Variants in HPD observed in about 807,000 individuals in gnomAD.
HPD encodes the protein 4-hydroxyphenylpyruvic acid oxidase.
HPD carries 35 observed loss-of-function variants against 56.9 expected under a neutral mutation model. The observed-to-expected ratio is 0.62, with a 90% confidence interval of 0.47 to 0.82. The LOEUF (loss-of-function observed/expected upper bound fraction) is 0.82, where lower values mean the gene tolerates loss of function less well. Ranked by LOEUF, HPD falls within the 40% of genes least tolerant of loss-of-function variation. The pLI, the probability that HPD is intolerant of heterozygous loss-of-function variation, is 0.00. For missense variants in HPD, 442 were observed against 506.8 expected (o/e 0.87, Z 1.23); for synonymous variants, 186 against 200.2 (o/e 0.93, Z 0.60).
chr12:121,855,259 C>T (rs2137628873), intron 6 of HPD, among the ~76,000 whole-genome samples: 1 of 152,334 alleles, frequency 6.6e-6, no homozygotes, highest in Admixed American at 6.5e-5. Flanking sequence ...CTATTATCAT[C>T]TCCATTCTCT....
chr12:121,876,562 C>A, the HPD span, among the ~76,000 whole-genome samples: 1 of 152,182 alleles, frequency 6.6e-6, no homozygotes, highest in East Asian at 1.9e-4. Context: ...CTTGCATAAG[C>A]GGAGGGTAAG....
At chr12:121,864,785 G>A (rs764359780), upstream of HPD, among the ~76,000 whole-genome samples, 5 of 151,564 alleles carry the variant, frequency 3.3e-5, no homozygotes, top group South Asian at 2.1e-4. Flanking sequence ...CCCGGGGCGC[G>A]GAGCTTGCAG....
upstream of HPD, among the ~76,000 whole-genome samples, chr12:121,864,671 G>T (rs2137643111): frequency 6.6e-6 from 1 of 151,824 alleles, no homozygotes; most frequent in Middle Eastern, 3.4e-3. Context: ...GGCTAACATG[G>T]TGAAACCCCG....
intron 11 of HPD, among the ~76,000 whole-genome samples, chr12:121,845,214 A>T (rs184694235): frequency 6.7e-6 from 1 of 149,862 alleles, no homozygotes; most frequent in Admixed American, 6.6e-5. Flanking sequence ...CCCCAGGCTC[A>T]GCTGATCCTC....
chr12:121,886,554 C>T, the HPD span, among the ~76,000 whole-genome samples: 10 of 152,002 alleles, frequency 6.6e-5, no homozygotes, highest in East Asian at 1.9e-4. Flanking sequence ...ATACTCTTCA[C>T]GTGGATTTGC....
At chr12:121,870,438 C>T in the HPD span, among the ~76,000 whole-genome samples, 1 of 148,844 alleles carries the variant, frequency 6.7e-6, no homozygotes, top group Non-Finnish European at 1.5e-5. Flanking sequence ...AACCAGGAGG[C>T]GGAGGTTGCA....
At chr12:121,865,601 A>G (rs1248018762), upstream of HPD, among the ~76,000 whole-genome samples, 1 of 151,870 alleles carries the variant, frequency 6.6e-6, no homozygotes, top group Non-Finnish European at 1.5e-5. Flanking sequence ...AGGAAAAAAA[A>G]AAAGAAAGAA....
intron 12 of HPD, among the ~76,000 whole-genome samples, chr12:121,843,439 A>G (rs967205387): frequency 2.0e-5 from 3 of 152,148 alleles, no homozygotes; most frequent in African/African-American, 7.2e-5. Flanking sequence ...CTCAGATGTC[A>G]CCTCCTCAGA....
Position 121,858,694 on chromosome 12 carries a change from C to T in HPD, c.23G>A (p.Gly8Glu), listed in dbSNP as rs1250024748. Reference sequence around the variant, plus strand: ...CACATTTCGCCTGCTTACCTTTGCCCCTTTGTCACTGTAAGTCGTCTAAGG... The same window carrying T: ...CACATTTCGCCTGCTTACCTTTGCCTCTTTGTCACTGTAAGTCGTCTAAGG... Reference protein sequence around the residue: MTTYSDKGAKPERGRFLH... With the variant: MTTYSDKEAKPERGRFLH... The change falls in exon 2 of 14, where the codon GGG (glycine) becomes GAG (glutamate). Residue 8 changes from glycine to glutamate, a missense_variant. Transcript: ENST00000289004. 3 of 1,614,010 alleles carry T rather than the reference C, an allele frequency of 1.9e-6. No homozygotes were observed. The highest frequency in any genetic ancestry group is 1.3e-5 in the African/African-American group (1 of 74,920).
chr12:121,843,572 A>G, intron 12 of HPD, 138 bp downstream of exon 12: 3 of 961,090 alleles, frequency 3.1e-6, no homozygotes, highest in South Asian at 1.4e-5. Flanking sequence ...CTCCTCCCAC[A>G]TAGACCCTAG....
At chr12:121,885,502 T>C in the HPD span, among the ~76,000 whole-genome samples, 2 of 151,780 alleles carry the variant, frequency 1.3e-5, 1 homozygote, top group African/African-American at 4.8e-5. Flanking sequence ...GCCCGGCCTA[T>C]ATCTGTATTC....
chr12:121,881,530 C>T, the HPD span, among the ~76,000 whole-genome samples: 1 of 152,114 alleles, frequency 6.6e-6, no homozygotes, highest in African/African-American at 2.4e-5. Context: ...TCTAGGTTTC[C>T]AAACCCTCCC....
the HPD span, among the ~76,000 whole-genome samples, chr12:121,880,088 A>G: frequency 6.6e-6 from 1 of 151,286 alleles, no homozygotes; most frequent in Non-Finnish European, 1.5e-5. Context: ...TTGAGGCTGC[A>G]GTGAGCCATG....
chr12:121,839,976 G>C lies in HPD; in HGVS notation c.1027C>G (p.Arg343Gly). 2 of 1,613,926 alleles carry C rather than the reference G, an allele frequency of 1.2e-6. No homozygotes were observed. Among genetic ancestry groups the C allele is most frequent in the Non-Finnish European group, 1.7e-6 (2 of 1,179,914 alleles). ...LQIFTKPVQD[R>G]PTLFLEVIQR... is the part of the protein sequence containing the mutation. Reference sequence around the variant, plus strand: ...ATGACTTCCAGGAAGAGCGTGGGCCGGTCCTGCACCGGTTTGGTGAAGATC... The same window carrying C: ...ATGACTTCCAGGAAGAGCGTGGGCCCGTCCTGCACCGGTTTGGTGAAGATC... Residue 343 changes from arginine to glycine, a missense_variant, in exon 13 of 14, where the codon CGG becomes GGG. Arg to Gly is a moderately radical substitution (Grantham distance 125). Coordinates refer to ENST00000289004, the MANE Select transcript of HPD (RefSeq NM_002150.3).
chr12:121,881,144 T>C, the HPD span, among the ~76,000 whole-genome samples: 1 of 152,318 alleles, frequency 6.6e-6, no homozygotes, highest in Middle Eastern at 3.4e-3. Context: ...TCTGCCCAGG[T>C]ACTAAATATT....
intron 7 of HPD, among the ~76,000 whole-genome samples, chr12:121,852,792 G>A (rs369438473): frequency 1.8e-3 from 276 of 151,908 alleles, no homozygotes; most frequent in African/African-American, 6.4e-3. Context: ...ACACCACCAT[G>A]CCTGGCTAAC....
rs774349655 is a variant in HPD at position 121,846,851 on chromosome 12, G to C, written c.831+11C>G. On this transcript the variant is annotated intron_variant, in intron 11 of 13. Transcript: ENST00000289004. ...TGAGAGAGGAATTCGGACAGGGAAG[G>C]GGGTTCTAACCGCTGTGATGATGTC... The C allele has an allele frequency of 1.2e-5, 20 of 1,613,496 alleles. No homozygotes were observed. Among genetic ancestry groups the C allele is most frequent in the Admixed American group, 1.7e-5 (1 of 59,978 alleles).
In HPD at chr12:121,843,843, G is replaced by A. The variant is rs1877487606; in HGVS notation, c.832-11C>T. 1.2e-6 allele frequency: 2 copies of A among 1,613,948 alleles called. No individual in the cohort carries two copies. The highest frequency in any genetic ancestry group is 1.3e-5 in the African/African-American group (1 of 74,918). Reference sequence around the variant, plus strand: ...TCTCAAGTGGCGAATCTGTTTCAGAGCAAAGCTGAGGTCAGCCTTCGGCCT... The same window carrying A: ...TCTCAAGTGGCGAATCTGTTTCAGAACAAAGCTGAGGTCAGCCTTCGGCCT... On this transcript the variant is annotated splice_polypyrimidine_tract_variant and intron_variant, in intron 11 of 13. Transcript: ENST00000289004.
intron 1 of HPD, 31 bp downstream of exon 1, chr12:121,858,790 C>G: frequency 5.6e-6 from 9 of 1,614,064 alleles, no homozygotes; most frequent in Non-Finnish European, 6.8e-6. Flanking sequence ...TGAAGATGTC[C>G]CACCCAAGGG....
Sources: gnomAD v4.1 joint callset for allele counts (sites outside exome capture counted in the v4.1 genomes callset) on GRCh38, gnomAD v4.1.1 for gene constraint, MANE v1.5 for transcripts, NCBI Gene and HGNC (gene_info 2026-07-23, HGNC 2026-07-21) for gene names.